GUSB: variants seen among roughly 807,000 people sequenced by gnomAD.
The protein encoded by GUSB is glucuronidase beta.
In GUSB, 51 loss-of-function variants were observed where a neutral mutation model predicts 74.6. The observed-to-expected ratio is 0.68, with a 90% CI of 0.55 to 0.86. The LOEUF (loss-of-function observed/expected upper bound fraction) is 0.86, where lower values mean the gene tolerates loss of function less well. Among genes scored for constraint, GUSB ranks in the 40% least tolerant of loss-of-function variants. The pLI is 0.00. For missense variants in GUSB, 736 were observed against 853.7 expected (o/e 0.86, Z 1.72); for synonymous variants, 360 against 348.3 (o/e 1.03, Z -0.37).
rs73372649 is a variant in GUSB, at chr7:65,977,026, G to A, written c.725-824C>T. Among the ~76,000 whole-genome samples, 760 of 152,106 alleles carry A rather than the reference G, an allele frequency of 5.0e-3. 6 individuals are homozygous for A. The highest frequency in any genetic ancestry group is 0.017 in the African/African-American group (719 of 41,508). ...GTGCAACCAGAGGACGGCCCAGAACGTGCTTACAGTAACACCTCTTCCCAG... is the reference window on the plus strand; with the variant it reads ...GTGCAACCAGAGGACGGCCCAGAACATGCTTACAGTAACACCTCTTCCCAG... On this transcript the variant is annotated intron_variant, in intron 4 of 11. Transcript: ENST00000304895.
chr7:65,963,302 A>G (rs1291287867), intron 11 of GUSB, among the ~76,000 whole-genome samples: 5 of 151,910 alleles, frequency 3.3e-5, no homozygotes, highest in Non-Finnish European at 7.4e-5. Context: ...TTCTCACCTC[A>G]TCTTGTTCAT....
chr7:65,976,611 C>T (rs1211223093), intron 4 of GUSB, among the ~76,000 whole-genome samples: 1 of 151,752 alleles, frequency 6.6e-6, no homozygotes, highest in African/African-American at 2.4e-5. Flanking sequence ...AGGTGTGAGC[C>T]ACCGCACCCG....
chr7:65,961,167 T>C, intron 11 of GUSB, 104 bp from the exon 12 acceptor site: 1 of 1,127,818 alleles, frequency 8.9e-7, no homozygotes. Context: ...AATGTCTTTT[T>C]TTTTCTTTTT....
At chr7:65,967,702 A>G in intron 10 of GUSB, 29 bp downstream of exon 10, 3 of 1,593,514 alleles carry the variant, frequency 1.9e-6, no homozygotes, top group South Asian at 1.1e-5. Flanking sequence ...CTGAGAGAAC[A>G]CACAAGCAGA....
Position 65,975,089 on chromosome 7 carries a change from C to T in GUSB, c.913-18G>A. 2 of 1,612,272 alleles carry T rather than the reference C, an allele frequency of 1.2e-6. No individual in the cohort carries two copies. Among genetic ancestry groups the T allele is most frequent in the Non-Finnish European group, 8.5e-7 (1 of 1,179,384 alleles). ...AGCTGCACCTATGACAGCCAAAGCA[C>T]CAGGTGTGAGCACCCCGACAGCCTG... is the stretch of plus-strand genomic sequence containing the variant. On this transcript the variant is annotated intron_variant, in intron 5 of 11. Coordinates refer to ENST00000304895, the MANE Select transcript of GUSB (RefSeq NM_000181.4).
At chr7:65,975,317 C>CCTCA (rs1387131250) in intron 5 of GUSB, 2 of 524,984 alleles carry the variant, frequency 3.8e-6, no homozygotes, top group African/African-American at 3.8e-5. Context: ...GAGGCTAAGG[C>CCTCA]AGGAGGATCA....
intron 5 of GUSB, chr7:65,975,611 T>C (rs1791516028): frequency 1.4e-5 from 3 of 211,370 alleles, no homozygotes; most frequent in South Asian, 7.5e-5. Flanking sequence ...TCTTGAACTC[T>C]TGGCCTCAAG....
intron 6 of GUSB, 66 bp downstream of exon 6, chr7:65,974,853 C>T (rs1791458151): frequency 6.3e-7 from 1 of 1,582,768 alleles, no homozygotes; most frequent in Non-Finnish European, 8.7e-7. Flanking sequence ...CTGCAGGACA[C>T]AGGGAAGGCG....
intron 8 of GUSB, among the ~76,000 whole-genome samples, chr7:65,971,241 G>A (rs187941199): frequency 1.6e-4 from 24 of 152,328 alleles, no homozygotes; most frequent in African/African-American, 5.5e-4. Flanking sequence ...GGCTAGGTGC[G>A]AGGTGCTCAG....
chr7:65,963,826 G>A (rs1790658309), intron 11 of GUSB, among the ~76,000 whole-genome samples: 1 of 152,110 alleles, frequency 6.6e-6, no homozygotes, highest in Admixed American at 6.6e-5. Context: ...GATTACAGGC[G>A]TGAGCCACTA....
rs750614291 is a variant in GUSB at position 65,974,718 on chromosome 7, G to A, written c.1066-14C>T. ...CTTCCCTCGGATCTAGGAGATAGCA[G>A]AGCCAAGTGACCCCTGTCCCTGTCG... On this transcript the variant is annotated splice_polypyrimidine_tract_variant and intron_variant, in intron 6 of 11. Transcript: ENST00000304895. The A allele has an allele frequency of 3.1e-6, 5 of 1,612,064 alleles. No homozygotes were observed. The highest frequency in any genetic ancestry group is 1.7e-5 in the Admixed American group (1 of 59,990).
intron 11 of GUSB, among the ~76,000 whole-genome samples, chr7:65,961,316 T>C (rs1299411091): frequency 6.6e-6 from 1 of 152,086 alleles, no homozygotes; most frequent in African/African-American, 2.4e-5. Context: ...TATTTTTTAG[T>C]AAAGACAAGG....
At position 65,976,037 on chromosome 7, in the gene GUSB, G is replaced by C. The variant is rs1215589679; in HGVS notation, c.890C>G (p.Pro297Arg). The change falls in exon 5 of 12, where the codon CCT becomes CGT. Residue 297 changes from proline to arginine, a missense_variant. Physicochemically the swap from Pro to Arg is moderately radical, Grantham distance 103 (BLOSUM62 -2). Coordinates refer to ENST00000304895, the MANE Select transcript of GUSB (RefSeq NM_000181.4). ...TACCTCCAATGAATACAGATAGGCA[G>C]GGCGTTCGTGCATCAGGTACGGCCA... ...LWWPYLMHER[P>R]AYLYSLEVQL... is the part of the protein sequence containing the mutation. 1 of 1,613,646 alleles carries C rather than the reference G, an allele frequency of 6.2e-7. No individual in the cohort carries two copies. Among genetic ancestry groups the C allele is most frequent in the South Asian group, 1.1e-5 (1 of 91,088 alleles).
At chr7:65,980,075 C>T in intron 2 of GUSB, 149 bp downstream of exon 2, 1 of 959,420 alleles carries the variant, frequency 1.0e-6, no homozygotes, top group Non-Finnish European at 1.6e-6. Flanking sequence ...ACCTATCCCC[C>T]TATACAGGGC....
intron 9 of GUSB, 35 bp from the exon 10 acceptor site, chr7:65,967,942 A>G (rs1249489299): frequency 1.3e-6 from 2 of 1,571,764 alleles, no homozygotes; most frequent in Admixed American, 1.7e-5. Context: ...TTCAGCACTC[A>G]GTAGACAGCA....
In GUSB at chr7:65,976,039, G is replaced by A; in HGVS notation, c.888C>T (p.Arg296=). The change falls in exon 5 of 12, where the codon CGC becomes CGT. Residue 296 remains arginine (R), a synonymous_variant. Transcript: ENST00000304895. ...CCTCCAATGAATACAGATAGGCAGG[G>A]CGTTCGTGCATCAGGTACGGCCACC... ...SLWWPYLMHE[R]PAYLYSLEVQ... is the part of the protein sequence containing the mutation. 6.2e-7 allele frequency: 1 copy of A among 1,613,800 alleles called. No individual in the cohort carries two copies.
rs541279650 is a variant in GUSB, at chr7:65,963,538, C to T, written c.1789+785G>A. The stretch of plus-strand genomic sequence containing the variant: ...CTCACAAGACACCGCAGATGTTATT[C>T]TCTTTGAAGACCAATCTTGTGTTTT... On this transcript the variant is annotated intron_variant, in intron 11 of 11. Coordinates refer to ENST00000304895, the MANE Select transcript of GUSB (RefSeq NM_000181.4). 5.3e-5 allele frequency among the ~76,000 whole-genome samples: 8 copies of T among 152,286 alleles called. No individual in the cohort carries two copies. The South Asian group carries it at 8.3e-4, about 16-fold the overall frequency.
chr7:65,968,013 C>T, intron 9 of GUSB, 106 bp from the exon 10 acceptor site: 1 of 929,846 alleles, frequency 1.1e-6, no homozygotes. Flanking sequence ...GGGATGTAAT[C>T]CCAGCACTCT....
In GUSB at chr7:65,964,334, A is replaced by G; in HGVS notation, c.1778T>C (p.Met593Thr). 6.2e-6 allele frequency: 10 copies of G among 1,612,082 alleles called. No homozygotes were observed. The highest frequency in any genetic ancestry group is 1.3e-5 in the African/African-American group (1 of 74,982). ...AAACTGCCACTTACACTGTTCAGTC[A>G]TGAAATCGGCAAAATTCCAAATGAG... ...GELIWNFADF[M>T]TEQSPTRVLG... is the part of the protein sequence containing the mutation. The change falls in exon 11 of 12, where the codon ATG (methionine) becomes ACG (threonine). Residue 593 changes from methionine to threonine, a missense_variant. Coordinates refer to ENST00000304895, the MANE Select transcript of GUSB (RefSeq NM_000181.4).
Sources: allele counts gnomAD v4.1 joint callset (sites outside exome capture counted in the v4.1 genomes callset), GRCh38; gene constraint gnomAD v4.1.1; transcripts MANE v1.5; gene names NCBI Gene and HGNC (gene_info 2026-07-23, HGNC 2026-07-21).